ARSK: variants seen among roughly 807,000 people sequenced by gnomAD.
ARSK encodes the protein arylsulfatase K.
Under a neutral mutation model 53.2 loss-of-function variants are expected in ARSK, and 37 were observed. The ratio of observed to expected loss-of-function variants is 0.70; its 90% confidence interval spans 0.54 to 0.92. The LOEUF (loss-of-function observed/expected upper bound fraction) is 0.92. ARSK is among the 40% of genes least tolerant of loss of function. ARSK has a pLI of 0.00. For synonymous variants in ARSK, 208 were observed against 223.2 expected (o/e 0.93, Z 0.61); for missense variants, 613 against 643.0 (o/e 0.95, Z 0.51).
chr5:95,600,125 A>G (rs1409850268), intron 6 of ARSK, among the ~76,000 whole-genome samples: 1 of 152,208 alleles, frequency 6.6e-6, no homozygotes, highest in Non-Finnish European at 1.5e-5. Context: ...CTGTTGTTCT[A>G]TATGTCTACA....
Position 95,591,386 on chromosome 5 carries a change from T to C in ARSK, c.872-15T>C, listed in dbSNP as rs1381741634. On this transcript the variant is annotated splice_polypyrimidine_tract_variant and intron_variant, in intron 5 of 7. Transcript: ENST00000380009. ...ACTGAAAGTTTTAATCGGTTTATCA[T>C]GATTTCTATTGTAGGTGAAATTATT... 1 of 1,585,050 alleles carries C rather than the reference T, an allele frequency of 6.3e-7. No homozygotes were observed. Among genetic ancestry groups the C allele is most frequent in the Non-Finnish European group, 8.7e-7 (1 of 1,153,766 alleles).
chr5:95,589,577 CTCCA>C (rs1304984801), intron 5 of ARSK, among the ~76,000 whole-genome samples: 1 of 152,206 alleles, frequency 6.6e-6, no homozygotes, highest in African/African-American at 2.4e-5. Flanking sequence ...TGGCTTCTAG[CTCCA>C]TCCATGTCCC....
intron 6 of ARSK, among the ~76,000 whole-genome samples, chr5:95,594,795 G>A (rs948727989): frequency 5.9e-5 from 9 of 151,592 alleles, no homozygotes; most frequent in Admixed American, 1.3e-4. Flanking sequence ...AGCCAAGATC[G>A]TGCCACTGCA....
chr5:95,584,879 G>A (rs749679755), intron 4 of ARSK, among the ~76,000 whole-genome samples: 3 of 152,068 alleles, frequency 2.0e-5, no homozygotes, highest in Non-Finnish European at 4.4e-5. Context: ...GTGTGGTGGT[G>A]TGTACCTGTA....
Position 95,597,851 on chromosome 5 carries a change from G to A in ARSK, c.1097-2996G>A, listed in dbSNP as rs1046485430. Among the ~76,000 whole-genome samples, 15 of 144,364 alleles carry A rather than the reference G, an allele frequency of 1.0e-4. No homozygotes were observed. The East Asian group carries it at 1.9e-3, about 18-fold the overall frequency. The allele number at this position is 144,364 out of a possible 152,430, so 94.7% of individuals were successfully genotyped here. ...AGAGGTTGCAGTGAGCCAAGATTGC[G>A]CCACTGCACTCCAGCCTGGGTGACA... is the stretch of plus-strand genomic sequence containing the variant. On this transcript the variant is annotated intron_variant, in intron 6 of 7. Coordinates refer to ENST00000380009, the MANE Select transcript of ARSK (RefSeq NM_198150.3).
intron 1 of ARSK, among the ~76,000 whole-genome samples, 192 bp from the exon 2 acceptor site, chr5:95,565,806 T>C (rs1025917522): frequency 6.6e-6 from 1 of 152,210 alleles, no homozygotes; most frequent in African/African-American, 2.4e-5. Flanking sequence ...AATCCAAGTG[T>C]AACGCTGCAC....
At chr5:95,562,029 A>G (rs1225455856) in intron 1 of ARSK, among the ~76,000 whole-genome samples, 1 of 152,172 alleles carries the variant, frequency 6.6e-6, no homozygotes. Context: ...AGCCTGGCCA[A>G]CATGGTGAAA....
rs1749472364 is a variant in ARSK, at chr5:95,604,770, A to ATGAATTCCAGTG, written c.*1244_*1245insTGAATTCCAGTG. On this transcript the variant is annotated 3_prime_UTR_variant, in exon 8 of 8. Coordinates refer to ENST00000380009, the MANE Select transcript of ARSK (RefSeq NM_198150.3). Reference sequence around the variant, plus strand: ...TAGAGCATATTTTCATGTATTTAACAGCCACTGGAATCTGCTTTACCATGG... The same window carrying ATGAATTCCAGTG: ...TAGAGCATATTTTCATGTATTTAACATGAATTCCAGTGGCCACTGGAATCTGCTTTACCATGG... The ATGAATTCCAGTG allele has an allele frequency of 1.3e-5, 2 of 152,330 alleles. No individual in the cohort carries two copies. Among genetic ancestry groups the ATGAATTCCAGTG allele is most frequent in the Admixed American group, 6.5e-5 (1 of 15,292 alleles). The allele number at this position is 152,330 out of a possible 1,614,324, so 9.4% of individuals were successfully genotyped here.
intron 1 of ARSK, among the ~76,000 whole-genome samples, chr5:95,560,768 T>C (rs1748616586): frequency 6.6e-6 from 1 of 151,594 alleles, no homozygotes; most frequent in Non-Finnish European, 1.5e-5. Flanking sequence ...TCTTTGTGAT[T>C]GTGGATTAGG....
chr5:95,561,084 C>T (rs1427595036), intron 1 of ARSK, among the ~76,000 whole-genome samples: 1 of 152,178 alleles, frequency 6.6e-6, no homozygotes, highest in African/African-American at 2.4e-5. Flanking sequence ...GCTGGGATTA[C>T]CGGCATGAAC....
rs934314687 is a variant in ARSK at position 95,579,442 on chromosome 5, C to A, written c.417-3474C>A. Among the ~76,000 whole-genome samples, 5 of 152,292 alleles carry A rather than the reference C, an allele frequency of 3.3e-5. No homozygotes were observed. In the South Asian group the frequency reaches 8.3e-4, roughly 25 times the overall value. ...TGAAAAATCAAGTGAAAGGGGAAAG[C>A]TTTTAAAAACCATCGGATCTCAGGA... On this transcript the variant is annotated intron_variant, in intron 3 of 7. Coordinates refer to ENST00000380009, the MANE Select transcript of ARSK (RefSeq NM_198150.3).
chr5:95,590,096 T>C (rs765848463), intron 5 of ARSK, among the ~76,000 whole-genome samples: 2 of 152,170 alleles, frequency 1.3e-5, no homozygotes, highest in Non-Finnish European at 2.9e-5. Context: ...ATATGCAAGT[T>C]GTAGGCATCC....
At position 95,555,392 on chromosome 5, in the gene ARSK, G is replaced by T; in HGVS notation, c.114G>T (p.Val38=). The change falls in exon 1 of 8, where the codon GTG becomes GTT. Residue 38 remains valine, a synonymous_variant. Coordinates refer to ENST00000380009, the MANE Select transcript of ARSK (RefSeq NM_198150.3). This position sits in a 1 kb window ranked among gnomAD's most constrained non-coding sequence, Gnocchi z 4.0. The part of the protein sequence containing the change: ...AAKAPNVVLV[V]SDSFDGRLTF... ...AAGCGCCCAATGTGGTGCTGGTCGTGAGCGACTCCTTCGTAAGTACCGCGA... is the reference window on the plus strand; with the variant it reads ...AAGCGCCCAATGTGGTGCTGGTCGTTAGCGACTCCTTCGTAAGTACCGCGA... The T allele has an allele frequency of 6.2e-7, 1 of 1,606,946 alleles. No individual in the cohort carries two copies. The highest frequency in any genetic ancestry group is 1.1e-5 in the South Asian group (1 of 90,560).
intron 5 of ARSK, among the ~76,000 whole-genome samples, chr5:95,587,343 T>C (rs932658200): frequency 1.3e-5 from 2 of 152,216 alleles, no homozygotes; most frequent in African/African-American, 4.8e-5. Flanking sequence ...TTCCAGTTCA[T>C]GTGTGGAAAA....
At chr5:95,571,579 G>A (rs569039827) in intron 3 of ARSK, among the ~76,000 whole-genome samples, 1 of 152,218 alleles carries the variant, frequency 6.6e-6, no homozygotes, top group African/African-American at 2.4e-5. Context: ...TTAATATTTA[G>A]GAGTTCTTTC....
chr5:95,593,928 AAT>A (rs1324151608), intron 6 of ARSK, among the ~76,000 whole-genome samples: 1 of 152,182 alleles, frequency 6.6e-6, no homozygotes, highest in Admixed American at 6.5e-5. Flanking sequence ...TTCCCTGCAG[AAT>A]ATGTTTTATT....
intron 6 of ARSK, among the ~76,000 whole-genome samples, chr5:95,591,831 T>C (rs1749222656): frequency 6.6e-6 from 1 of 152,228 alleles, no homozygotes. Flanking sequence ...TCACTTACTA[T>C]AGTCATTTTC....
At chr5:95,566,186 A>G (rs1561361183) in intron 2 of ARSK, 59 bp downstream of exon 2, 4 of 1,569,226 alleles carry the variant, frequency 2.5e-6, no homozygotes, top group African/African-American at 1.4e-5. Context: ...ATATATTCAC[A>G]GTTTAAAAGA....
chr5:95,597,906 T>TGG (rs369496135), intron 6 of ARSK, among the ~76,000 whole-genome samples: 10 of 121,012 alleles, frequency 8.3e-5, no homozygotes, highest in South Asian at 5.7e-4. Context: ...AAAAAAAAAG[T>TGG]GGGGGGCGGG....
Sources: gnomAD v4.1 joint callset for allele counts (sites outside exome capture counted in the v4.1 genomes callset) on GRCh38, gnomAD v4.1.1 for gene constraint, Gnocchi (gnomAD v3.1) non-coding constraint, MANE v1.5 for transcripts, NCBI Gene and HGNC (gene_info 2026-07-23, HGNC 2026-07-21) for gene names.